Variants in UQCRC1 observed in about 807,000 individuals in gnomAD.
The protein encoded by UQCRC1 is ubiquinol-cytochrome c reductase core protein 1, also known as cytochrome b-c1 complex subunit 1, mitochondrial.
UQCRC1 carries 34 observed loss-of-function variants against 58.0 expected under a neutral mutation model. The ratio of observed to expected loss-of-function variants is 0.59; its 90% CI spans 0.45 to 0.78. The LOEUF (loss-of-function observed/expected upper bound fraction) is 0.78. Ranked by LOEUF, UQCRC1 falls within the 30% of genes least tolerant of loss-of-function variation. UQCRC1 has a pLI of 0.00. For synonymous variants in UQCRC1, 276 were observed against 248.8 expected, an observed-to-expected ratio of 1.11 and a Z score of -1.03; for missense variants, 610 against 646.0, an observed-to-expected ratio of 0.94 and a Z score of 0.60.
chr3:48,599,622 CT>C lies in UQCRC1; in HGVS notation c.1378+12del. On this transcript the variant is annotated intron_variant, in intron 12 of 12. Transcript: ENST00000203407. Reference sequence around the variant, plus strand: ...AGGAAATAAACAAAGAGCAGACCCCCTAGGCCACTTACCATATCCAGCCACT... The same window carrying C: ...AGGAAATAAACAAAGAGCAGACCCCCAGGCCACTTACCATATCCAGCCACT... The C allele has an allele frequency of 1.9e-6, 3 of 1,613,638 alleles. No homozygotes were observed. The highest frequency in any genetic ancestry group is 2.5e-6 in the Non-Finnish European group (3 of 1,179,814).
chr3:48,603,903 C>G (rs902359088), intron 5 of UQCRC1: 2 of 586,240 alleles, frequency 3.4e-6, no homozygotes, highest in African/African-American at 3.7e-5. Flanking sequence ...TGAGCCAACA[C>G]TGTGGGACTC....
chr3:48,604,250 C>A lies in UQCRC1; in HGVS notation c.609G>T (p.Gly203=). 6.2e-7 allele frequency: 1 copy of A among 1,612,698 alleles called. No homozygotes were observed. Residue 203 remains glycine (G), a synonymous_variant, in exon 5 of 13, where the codon GGG becomes GGT. Coordinates refer to ENST00000203407, the MANE Select transcript of UQCRC1 (RefSeq NM_003365.3). ...QGTPLAQAVE[G]PSENVRKLSR... ...ACTCTCACCTGACATTCTCACTGGG[C>A]CCCTCCACAGCCTGGGCTAGAGGTG...
intron 6 of UQCRC1, 151 bp downstream of exon 6, chr3:48,603,413 G>T: frequency 1.4e-6 from 1 of 705,544 alleles, no homozygotes; most frequent in Non-Finnish European, 2.4e-6. Flanking sequence ...CCACCTCAGA[G>T]AGCACAGGAG....
At chr3:48,605,254 T>C (rs1046083980) in intron 3 of UQCRC1, among the ~76,000 whole-genome samples, 1 of 152,202 alleles carries the variant, frequency 6.6e-6, no homozygotes, top group Non-Finnish European at 1.5e-5. Context: ...ACAGTGGTGC[T>C]ATCTCTTGGT....
rs368223644 is a variant in UQCRC1, at chr3:48,609,595, G to T, written c.26C>A (p.Ala9Asp). Residue 9 changes from alanine to aspartate, a missense_variant, in exon 1 of 13, where the codon GCC (alanine) becomes GAC (aspartate). Ala to Asp is a moderately radical substitution (Grantham distance 126). Transcript: ENST00000203407. The stretch of plus-strand genomic sequence containing the variant: ...TAGCACTTGTGCCCCGGCGGTAGCG[G>T]CCCGACAGACCACGGACGCCGCCAT... MAASVVCRAATAGAQVLLR... is the reference protein window; with the variant it reads MAASVVCRDATAGAQVLLR... 1.5e-5 allele frequency: 24 copies of T among 1,571,102 alleles called. No individual in the cohort carries two copies. Among genetic ancestry groups the T allele is most frequent in the Admixed American group, 8.9e-5 (5 of 56,248 alleles).
chr3:48,609,514 C>G (rs1232336456), intron 1 of UQCRC1, 38 bp downstream of exon 1: 1 of 1,544,278 alleles, frequency 6.5e-7, no homozygotes, highest in South Asian at 1.2e-5. Context: ...CTTCCCGAAG[C>G]CCTGTCCCGA....
chr3:48,604,656 G>A lies in UQCRC1; in HGVS notation c.422C>T (p.Pro141Leu), dbSNP rs539038461. The A allele has an allele frequency of 1.4e-5, 22 of 1,614,090 alleles. No homozygotes were observed. The East Asian group carries it at 2.9e-4, about 21-fold the overall frequency. The change falls in exon 4 of 13, where the codon CCG becomes CTG. Residue 141 changes from proline (P) to leucine (L), a missense_variant. Coordinates refer to ENST00000203407, the MANE Select transcript of UQCRC1 (RefSeq NM_003365.3). ...CCTCTTCCTCCAGGTGTTACCTTTC[G>A]GCAGATCCTTGGACAGCGCCTTGAT... The part of the protein sequence containing the change: ...YYIKALSKDL[P>L]KAVELLGDIV...
chr3:48,600,802 G>A lies in UQCRC1; in HGVS notation c.1005C>T (p.Asn335=). ...SSPLASGAVA[N]KLCQSFQTFS... is the part of the protein sequence containing the mutation. ...AGGTCTGGAAACTCTGGCATAGCTT[G>A]TTGGCCACAGCACCTGAAGCCAGTG... Residue 335 remains asparagine (N), a synonymous_variant, in exon 9 of 13, where the codon AAC becomes AAT. Transcript: ENST00000203407. 1.2e-6 allele frequency: 2 copies of A among 1,614,114 alleles called. No individual in the cohort carries two copies. The highest frequency in any genetic ancestry group is 1.7e-6 in the Non-Finnish European group (2 of 1,180,042).
At chr3:48,602,175 C>T (rs555245081) in intron 6 of UQCRC1, among the ~76,000 whole-genome samples, 32 of 152,184 alleles carry the variant, frequency 2.1e-4, no homozygotes, top group Non-Finnish European at 4.1e-4. Flanking sequence ...CTCAGCCTCC[C>T]GAGTAGCTGG....
At chr3:48,601,294 T>TG in intron 7 of UQCRC1, 58 bp downstream of exon 7, 1 of 1,592,408 alleles carries the variant, frequency 6.3e-7, no homozygotes. Context: ...ACCATGCACA[T>TG]GGGGGTCCTC....
Position 48,599,035 on chromosome 3 carries a change from T to C in UQCRC1, c.*93A>G. 1 of 1,438,906 alleles carries C rather than the reference T, an allele frequency of 6.9e-7. No individual in the cohort carries two copies. The allele number at this position is 1,438,906 out of a possible 1,614,324, so 89.1% of individuals were successfully genotyped here. ...AGAGGATTTTATTGGTGGTCACCTG[T>C]GGCACAGGTTAGAGGAGCCGAAGTG... is the stretch of plus-strand genomic sequence containing the variant. On this transcript the variant is annotated 3_prime_UTR_variant, in exon 13 of 13. Coordinates refer to ENST00000203407, the MANE Select transcript of UQCRC1 (RefSeq NM_003365.3).
In UQCRC1 at chr3:48,600,526, C is replaced by G; in HGVS notation, c.1169G>C (p.Arg390Pro). 1.2e-6 allele frequency: 2 copies of G among 1,614,062 alleles called. No homozygotes were observed. Among genetic ancestry groups the G allele is most frequent in the Non-Finnish European group, 1.7e-6 (2 of 1,179,994 alleles). Residue 390 changes from arginine (R) to proline (P), a missense_variant, in exon 10 of 13, where the codon CGG (arginine) becomes CCG (proline). Arg to Pro is a moderately radical substitution (Grantham distance 103). Coordinates refer to ENST00000203407, the MANE Select transcript of UQCRC1 (RefSeq NM_003365.3). ...GGCATTTCTGAGGATGTTTTTGCCC[C>G]GGGCCACCTCACTCTCCGTGGCACT... is the stretch of plus-strand genomic sequence containing the variant. ...CTSATESEVA[R>P]GKNILRNALV... is the part of the protein sequence containing the mutation.
Position 48,600,697 on chromosome 3 carries a change from G to T in UQCRC1, c.1110C>A (p.Phe370Leu). The T allele has an allele frequency of 6.2e-7, 1 of 1,614,100 alleles. No homozygotes were observed. The highest frequency in any genetic ancestry group is 1.1e-5 in the South Asian group (1 of 91,076). The change falls in exon 9 of 13, where the codon TTC becomes TTA. Residue 370 changes from phenylalanine (F) to leucine (L), a missense_variant. By Grantham distance (22) the Phe-to-Leu change is conservative. Transcript: ENST00000203407. ...CDRMKIDDMMFVLQGQWMRLC... is the reference protein window; with the variant it reads ...CDRMKIDDMMLVLQGQWMRLC... ...CCACTTACCACTGCCCTTGCAGGAC[G>T]AACATCATGTCATCGATTTTCATTC...
Position 48,600,711 on chromosome 3 carries a change from C to T in UQCRC1, c.1096G>A (p.Asp366Asn), listed in dbSNP as rs528223744. Residue 366 changes from aspartate to asparagine, a missense_variant, in exon 9 of 13, where the codon GAT (aspartate) becomes AAT (asparagine). By Grantham distance (23) the Asp-to-Asn change is conservative (BLOSUM62 1). Transcript: ENST00000203407. Reference protein sequence around the residue: ...AHFVCDRMKIDDMMFVLQGQW... With the variant: ...AHFVCDRMKINDMMFVLQGQW... Reference sequence around the variant, plus strand: ...CCTTGCAGGACGAACATCATGTCATCGATTTTCATTCGGTCACAGACAAAG... The same window carrying T: ...CCTTGCAGGACGAACATCATGTCATTGATTTTCATTCGGTCACAGACAAAG... 1.1e-5 allele frequency: 18 copies of T among 1,614,054 alleles called. No homozygotes were observed. The highest frequency in any genetic ancestry group is 5.3e-5 in the African/African-American group (4 of 74,926).
chr3:48,601,337 C>G lies in UQCRC1; in HGVS notation c.822+15G>C. The stretch of plus-strand genomic sequence containing the variant: ...CCCCCAGCTGAGCACTACTCCTGCC[C>G]AAAAGGCAGCATACCTCACTGCCAG... On this transcript the variant is annotated intron_variant, in intron 7 of 12. Coordinates refer to ENST00000203407, the MANE Select transcript of UQCRC1 (RefSeq NM_003365.3). The G allele has an allele frequency of 6.2e-7, 1 of 1,613,518 alleles. No individual in the cohort carries two copies. Among genetic ancestry groups the G allele is most frequent in the Admixed American group, 1.7e-5 (1 of 59,934 alleles).
At chr3:48,608,838 A>C (rs1412144293) in intron 2 of UQCRC1, among the ~76,000 whole-genome samples, 1 of 152,246 alleles carries the variant, frequency 6.6e-6, no homozygotes, top group Non-Finnish European at 1.5e-5. Context: ...AAGTCACCTA[A>C]GGTGTCTGAA....
chr3:48,605,963 T>G, intron 2 of UQCRC1, 107 bp from the exon 3 acceptor site: 1 of 1,110,352 alleles, frequency 9.0e-7, no homozygotes, highest in East Asian at 2.7e-5. Context: ...GACTTATGAA[T>G]CCTGGAGTCA....
chr3:48,600,985 C>T lies in UQCRC1; in HGVS notation c.956G>A (p.Gly319Asp), dbSNP rs1559455814. Reference sequence around the variant, plus strand: ...CGCGCTGGCACTCACCACGCCACCACCATAAGTGCAGTCATAGTGGCCGAT... The same window carrying T: ...CGCGCTGGCACTCACCACGCCACCATCATAAGTGCAGTCATAGTGGCCGAT... ...AIIGHYDCTY[G>D]GGVHLSSPLA... The change falls in exon 8 of 13, where the codon GGT (glycine) becomes GAT (aspartate). Residue 319 changes from glycine to aspartate, a missense_variant. By Grantham distance (94) the Gly-to-Asp change is moderately conservative. Transcript: ENST00000203407. 5 of 1,604,876 alleles carry T rather than the reference C, an allele frequency of 3.1e-6. No homozygotes were observed. The highest frequency in any genetic ancestry group is 2.2e-5 in the East Asian group (1 of 44,592).
At chr3:48,599,558 G>A (rs893592057) in intron 12 of UQCRC1, 77 bp downstream of exon 12, 39 of 1,507,392 alleles carry the variant, frequency 2.6e-5, no homozygotes, top group African/African-American at 2.2e-4. Flanking sequence ...GCAGCAGTGC[G>A]GGAGCAGAGG....
Sources: gnomAD v4.1 joint callset for allele counts (sites outside exome capture counted in the v4.1 genomes callset) on GRCh38, gnomAD v4.1.1 for gene constraint, MANE v1.5 for transcripts, NCBI Gene and HGNC (gene_info 2026-07-23, HGNC 2026-07-21) for gene names.